Variants in EP300 observed in about 807,000 individuals in gnomAD.
EP300 encodes the protein EP300 lysine acetyltransferase.
EP300 carries 31 observed loss-of-function variants against 264.0 expected under a neutral mutation model. The observed-to-expected ratio is 0.12, with a 90% CI of 0.09 to 0.16. The LOEUF is 0.16. EP300 is among the 10% of genes least tolerant of loss of function. The probability of loss-of-function intolerance (pLI) is 1.00; values close to 1 mark genes in which losing one functional copy is unlikely to be tolerated. For synonymous variants in EP300, 1,340 were observed against 1,045.4 expected, an observed-to-expected ratio of 1.28 and a Z score of -5.44; for missense variants, 2,766 against 3,052.9, an observed-to-expected ratio of 0.91 and a Z score of 2.21.
chr22:41,107,188 G>A (rs1037985287), intron 1 of EP300, among the ~76,000 whole-genome samples: 2 of 152,018 alleles, frequency 1.3e-5, no homozygotes, highest in Non-Finnish European at 2.9e-5. Context: ...CATGAGCCAC[G>A]GTGCCTGACC....
Position 41,127,618 on chromosome 22 carries a change from G to C in EP300, c.1038G>C (p.Leu346Phe), listed in dbSNP as rs1279221081. The change falls in exon 4 of 31, where the codon TTG (leucine) becomes TTC (phenylalanine). Residue 346 changes from leucine (L) to phenylalanine (F), a missense_variant. Physicochemically the swap from Leu to Phe is conservative, Grantham distance 22. Transcript: ENST00000263253. Reference sequence around the variant, plus strand: ...TCCAGCAGCAGCTTGTTCTCCTTTTGCATGCTCACAAGTGCCAGCGCCGGG... The same window carrying C: ...TCCAGCAGCAGCTTGTTCTCCTTTTCCATGCTCACAAGTGCCAGCGCCGGG... ...KLIQQQLVLL[L>F]HAHKCQRREQ... is the part of the protein sequence containing the mutation. 1 of 1,614,078 alleles carries C rather than the reference G, an allele frequency of 6.2e-7. No homozygotes were observed. Among genetic ancestry groups the C allele is most frequent in the Non-Finnish European group, 8.5e-7 (1 of 1,180,054 alleles).
Position 41,127,624 on chromosome 22 carries a change from T to C in EP300, c.1044T>C (p.Ala348=), listed in dbSNP as rs779317339. ...IQQQLVLLLH[A]HKCQRREQAN... is the part of the protein sequence containing the mutation. ...AGCAGCTTGTTCTCCTTTTGCATGC[T>C]CACAAGTGCCAGCGCCGGGAACAGG... is the stretch of plus-strand genomic sequence containing the variant. The change falls in exon 4 of 31, where the codon GCT becomes GCC. Residue 348 remains alanine (A), a synonymous_variant. Transcript: ENST00000263253. 9 of 1,614,066 alleles carry C rather than the reference T, an allele frequency of 5.6e-6. No individual in the cohort carries two copies. The East Asian group carries it at 2.0e-4, about 36-fold the overall frequency.
chr22:41,140,450 T>C (rs1048559744), intron 9 of EP300, among the ~76,000 whole-genome samples, 193 bp downstream of exon 9: 3 of 152,124 alleles, frequency 2.0e-5, no homozygotes, highest in African/African-American at 7.2e-5. Flanking sequence ...GAATCTTATG[T>C]TTTTCCTCCT....
At chr22:41,096,639 A>G (rs111389168) in intron 1 of EP300, among the ~76,000 whole-genome samples, 1,587 of 128,640 alleles carry the variant, frequency 0.012, 30 homozygotes, top group African/African-American at 0.046. Flanking sequence ...TTTTTTTGAG[A>G]CAGAGGTTTG....
intron 29 of EP300, 105 bp from the exon 30 acceptor site, chr22:41,176,142 C>G: frequency 7.5e-7 from 1 of 1,336,354 alleles, no homozygotes; most frequent in Non-Finnish European, 1.1e-6. Context: ...ATTGCTTGAG[C>G]CCAGGAGGCA....
intron 2 of EP300, among the ~76,000 whole-genome samples, chr22:41,125,185 C>T (rs1181735479): frequency 7.5e-6 from 1 of 133,340 alleles, no homozygotes; most frequent in African/African-American, 2.8e-5. Context: ...GCGGCGTGAT[C>T]TCGGCTCACT....
At chr22:41,130,395 A>C (rs2058911559) in intron 5 of EP300, among the ~76,000 whole-genome samples, 1 of 152,146 alleles carries the variant, frequency 6.6e-6, no homozygotes, top group African/African-American at 2.4e-5. Flanking sequence ...TCTTCCAAAA[A>C]CTTTAAAAAT....
intron 1 of EP300, among the ~76,000 whole-genome samples, chr22:41,098,105 C>T (rs1256534227): frequency 6.6e-6 from 1 of 151,948 alleles, no homozygotes; most frequent in Non-Finnish European, 1.5e-5. Context: ...CCCATTAACT[C>T]GTCATTTAGC....
intron 1 of EP300, among the ~76,000 whole-genome samples, chr22:41,104,190 A>C (rs548153214): frequency 5.3e-5 from 8 of 152,210 alleles, no homozygotes; most frequent in Non-Finnish European, 8.8e-5. Flanking sequence ...GTTCAGTGAC[A>C]GTTAAGTTAG....
At chr22:41,159,303 T>G (rs1284031875) in intron 19 of EP300, 6 of 152,248 alleles carry the variant, frequency 3.9e-5, no homozygotes, top group Non-Finnish European at 5.9e-5. Context: ...GCTGAACTTG[T>G]GTGTTGCAGA....
intron 17 of EP300, among the ~76,000 whole-genome samples, chr22:41,155,993 A>C (rs2059074533): frequency 6.6e-6 from 1 of 151,752 alleles, no homozygotes. Flanking sequence ...TAGTTTGTTT[A>C]CTTTTTTGTT....
At position 41,141,229 on chromosome 22, in the gene EP300, G is replaced by GT. The variant is rs761037926; in HGVS notation, c.2053+7_2053+8insT. ...CAACCAGGAATGACTTCTAGTAAGT[G>GT]GTTTTTGTTATATTTCTGTTTGAGA... On this transcript the variant is annotated splice_region_variant and intron_variant, in intron 10 of 30. Coordinates refer to ENST00000263253, the MANE Select transcript of EP300 (RefSeq NM_001429.4). 1.9e-6 allele frequency: 3 copies of GT among 1,612,634 alleles called. No homozygotes were observed. The highest frequency in any genetic ancestry group is 4.5e-5 in the East Asian group (2 of 44,858).
chr22:41,134,164 T>A (rs2058936253), intron 6 of EP300, among the ~76,000 whole-genome samples: 1 of 31,454 alleles, frequency 3.2e-5, no homozygotes. Flanking sequence ...CATTCTTTTC[T>A]TTTTTTTTTT....
chr22:41,173,983 G>A (rs570138636), intron 29 of EP300, among the ~76,000 whole-genome samples, 199 bp downstream of exon 29: 15 of 152,272 alleles, frequency 9.9e-5, no homozygotes, highest in African/African-American at 3.1e-4. Flanking sequence ...GGTGGCACAT[G>A]CCTGTAATCC....
At chr22:41,170,326 C>G (rs1486327684) in intron 26 of EP300, 80 bp from the exon 27 acceptor site, 1 of 1,382,386 alleles carries the variant, frequency 7.2e-7, no homozygotes, top group African/African-American at 1.4e-5. Context: ...TCTATATCAA[C>G]TCCAACTTGT....
chr22:41,142,894 A>C (rs1184593433), intron 10 of EP300, among the ~76,000 whole-genome samples: 1 of 151,992 alleles, frequency 6.6e-6, no homozygotes, highest in Non-Finnish European at 1.5e-5. Context: ...TCAAAAAAAA[A>C]ACAAGTGGAC....
chr22:41,172,427 C>T (rs2145769684), intron 27 of EP300, 72 bp from the exon 28 acceptor site: 2 of 1,328,484 alleles, frequency 1.5e-6, no homozygotes, highest in Non-Finnish European at 2.1e-6. Context: ...TCTTGTCAGC[C>T]ATGATTATTC....
chr22:41,152,997 C>T (rs2059055890), intron 16 of EP300, among the ~76,000 whole-genome samples: 1 of 152,118 alleles, frequency 6.6e-6, no homozygotes, highest in Admixed American at 6.5e-5. Flanking sequence ...ACCTGGTGAT[C>T]CACCCGCTTC....
chr22:41,170,705 A>C, intron 27 of EP300, 134 bp downstream of exon 27: 1 of 964,244 alleles, frequency 1.0e-6, no homozygotes, highest in Non-Finnish European at 1.5e-6. Context: ...TCTGTCACGC[A>C]GGCTGGAGTG....
Sources: gnomAD v4.1 joint callset for allele counts (sites outside exome capture counted in the v4.1 genomes callset) on GRCh38, gnomAD v4.1.1 for gene constraint, MANE v1.5 for transcripts, NCBI Gene and HGNC (gene_info 2026-07-23, HGNC 2026-07-21) for gene names.